Variants in CDH9 observed in about 807,000 individuals in gnomAD.
CDH9 encodes cadherin 9.
Under a neutral mutation model 70.9 loss-of-function variants are expected in CDH9, and 28 were observed. The observed-to-expected ratio is 0.40, with a 90% confidence interval of 0.29 to 0.54. CDH9 has a LOEUF of 0.54. Ranked by LOEUF, CDH9 falls within the 20% of genes least tolerant of loss-of-function variation. The pLI is 0.59. For missense variants in CDH9, 874 were observed against 984.4 expected (o/e 0.89, Z 1.50); for synonymous variants, 409 against 343.1 (o/e 1.19, Z -2.12).
At chr5:26,894,689 C>T (rs899669838) in intron 7 of CDH9, among the ~76,000 whole-genome samples, 2 of 151,968 alleles carry the variant, frequency 1.3e-5, no homozygotes, top group African/African-American at 2.4e-5. Flanking sequence ...ATTGGATTAC[C>T]ACAAATGACC....
At chr5:27,035,695 T>G (rs1354906554) in intron 1 of CDH9, among the ~76,000 whole-genome samples, 2 of 144,274 alleles carry the variant, frequency 1.4e-5, no homozygotes, top group Admixed American at 1.3e-4. Flanking sequence ...TGTGTGTGTG[T>G]GTGTGTGTGT....
At chr5:26,978,618 A>G (rs1004156646) in intron 2 of CDH9, among the ~76,000 whole-genome samples, 3 of 151,710 alleles carry the variant, frequency 2.0e-5, no homozygotes, top group Non-Finnish European at 3.0e-5. Flanking sequence ...TTAAAATCCA[A>G]TGAAAACAAC....
rs896977104 is a variant in CDH9, at chr5:26,939,448, A to G, written c.229-23524T>C. Among the ~76,000 whole-genome samples the G allele has an allele frequency of 3.3e-5, 5 of 151,654 alleles. No individual in the cohort carries two copies. The East Asian group carries it at 9.7e-4, about 29-fold the overall frequency. On this transcript the variant is annotated intron_variant, in intron 2 of 11. Transcript: ENST00000231021. ...ACCAAAAGTTTAGAAAAGTATATATACATATATATTTATACATATGTATAT... is the reference window on the plus strand; with the variant it reads ...ACCAAAAGTTTAGAAAAGTATATATGCATATATATTTATACATATGTATAT...
Position 26,978,950 on chromosome 5 carries a change from A to G in CDH9, c.228+9156T>C, listed in dbSNP as rs1290139904. On this transcript the variant is annotated intron_variant, in intron 2 of 11. Coordinates refer to ENST00000231021, the MANE Select transcript of CDH9 (RefSeq NM_016279.4). ...TGAAATAAAGATATTTCTATTAACG[A>G]AAAGCTAAGAAAACTTGTTTCCAGC... Among the ~76,000 whole-genome samples the G allele has an allele frequency of 2.6e-5, 4 of 151,836 alleles. No individual in the cohort carries two copies. In the East Asian group the frequency reaches 7.7e-4, roughly 29 times the overall value.
chr5:27,025,224 C>T (rs530391132), intron 1 of CDH9, among the ~76,000 whole-genome samples: 108 of 152,080 alleles, frequency 7.1e-4, no homozygotes, highest in African/African-American at 2.5e-3. Context: ...GCGGTATAGA[C>T]CTATCAATGT....
At chr5:26,915,558 C>A in intron 3 of CDH9, 72 bp downstream of exon 3, 3 of 884,020 alleles carry the variant, frequency 3.4e-6, no homozygotes, top group Non-Finnish European at 5.5e-6. Context: ...ATATCATAAC[C>A]ACAAGTCAAT....
At chr5:26,997,706 A>T (rs1230964143) in intron 1 of CDH9, among the ~76,000 whole-genome samples, 2 of 148,190 alleles carry the variant, frequency 1.3e-5, no homozygotes, top group Non-Finnish European at 1.5e-5. Context: ...ACAAATGGTA[A>T]TTTTTTTTTT....
chr5:27,011,290 C>T (rs1184890492), intron 1 of CDH9, among the ~76,000 whole-genome samples: 1 of 152,064 alleles, frequency 6.6e-6, no homozygotes, highest in Middle Eastern at 3.2e-3. Context: ...TACGTGGAAA[C>T]AGAACAGTTG....
At chr5:26,904,363 T>C (rs1740910194) in intron 5 of CDH9, among the ~76,000 whole-genome samples, 1 of 73,800 alleles carries the variant, frequency 1.4e-5, no homozygotes, top group African/African-American at 4.9e-5. Context: ...AAGTGTTATA[T>C]TGTATTCTGG....
chr5:26,913,113 A>G (rs1741081763), intron 3 of CDH9, among the ~76,000 whole-genome samples: 1 of 152,242 alleles, frequency 6.6e-6, no homozygotes, highest in Admixed American at 6.6e-5. Context: ...TATCAACAGC[A>G]TAAAACAGAC....
At chr5:26,945,123 C>A (rs913492023) in intron 2 of CDH9, among the ~76,000 whole-genome samples, 5 of 151,362 alleles carry the variant, frequency 3.3e-5, no homozygotes, top group Non-Finnish European at 5.9e-5. Context: ...TTTTTTTTAG[C>A]TAATATGGGG....
chr5:26,906,996 T>C (rs548206091), intron 3 of CDH9, among the ~76,000 whole-genome samples, 158 bp from the exon 4 acceptor site: 15 of 152,322 alleles, frequency 9.8e-5, no homozygotes, highest in Admixed American at 2.0e-4. Flanking sequence ...TTACTTTCCT[T>C]TCTCATTTTC....
chr5:26,909,248 G>A (rs1741005283), intron 3 of CDH9, among the ~76,000 whole-genome samples: 1 of 152,076 alleles, frequency 6.6e-6, no homozygotes, highest in Admixed American at 6.6e-5. Context: ...CTCCCAAAGT[G>A]TTGGGATTAC....
intron 1 of CDH9, among the ~76,000 whole-genome samples, chr5:27,004,110 GAAAAAA>G (rs59593576): frequency 9.4e-6 from 1 of 106,618 alleles, no homozygotes; most frequent in African/African-American, 3.4e-5. Context: ...ATGCCTCTCT[GAAAAAA>G]AAAAAAAAAA....
intron 9 of CDH9, among the ~76,000 whole-genome samples, chr5:26,886,910 C>T (rs962804102): frequency 1.2e-4 from 18 of 152,220 alleles, no homozygotes; most frequent in African/African-American, 4.3e-4. Flanking sequence ...GAAATCACAG[C>T]CATTTAATTA....
At chr5:27,002,559 G>A (rs1352540064) in intron 1 of CDH9, among the ~76,000 whole-genome samples, 1 of 152,046 alleles carries the variant, frequency 6.6e-6, no homozygotes, top group Non-Finnish European at 1.5e-5. Flanking sequence ...AGAAAATGTG[G>A]CACATATACA....
chr5:26,988,573 C>G (rs949004402), intron 1 of CDH9, among the ~76,000 whole-genome samples, 191 bp from the exon 2 acceptor site: 1 of 151,840 alleles, frequency 6.6e-6, no homozygotes, highest in African/African-American at 2.4e-5. Flanking sequence ...ACATATACAA[C>G]TCAAGTAGAC....
intron 2 of CDH9, among the ~76,000 whole-genome samples, chr5:26,980,110 G>A (rs1055723151): frequency 3.3e-5 from 5 of 151,716 alleles, no homozygotes; most frequent in African/African-American, 9.7e-5. Context: ...GTTTTAAAAT[G>A]TAGTTTTTTC....
Position 26,906,070 on chromosome 5 carries a change from C to A in CDH9, c.700G>T (p.Val234Phe). 6.2e-7 allele frequency: 1 copy of A among 1,613,856 alleles called. No individual in the cohort carries two copies. Among genetic ancestry groups the A allele is most frequent in the Non-Finnish European group, 8.5e-7 (1 of 1,179,742 alleles). The change falls in exon 5 of 12, where the codon GTT (valine) becomes TTT (phenylalanine). Residue 234 changes from valine to phenylalanine, a missense_variant. Transcript: ENST00000231021. The stretch of plus-strand genomic sequence containing the variant: ...CCCATGTCTTTGGCCTGTATAACAA[C>A]CTGGTACTGCTCTCTATTTTCTCTG... ...MSRENREQYQ[V>F]VIQAKDMGGQ... is the part of the protein sequence containing the mutation.
Sources: gnomAD v4.1 joint callset for allele counts (sites outside exome capture counted in the v4.1 genomes callset) on GRCh38, gnomAD v4.1.1 for gene constraint, MANE v1.5 for transcripts, NCBI Gene and HGNC (gene_info 2026-07-23, HGNC 2026-07-21) for gene names.